Variants in GRIN2B observed in about 807,000 individuals in gnomAD.
GRIN2B encodes the protein glutamate ionotropic receptor NMDA type subunit 2B.
Under a neutral mutation model 114.5 loss-of-function variants are expected in GRIN2B, and 5 were observed. The ratio of observed to expected loss-of-function variants is 0.04; its 90% CI spans 0.02 to 0.09. GRIN2B has a LOEUF of 0.09. GRIN2B is among the 10% of genes least tolerant of loss of function. The probability of loss-of-function intolerance (pLI) is 1.00; values close to 1 mark genes in which losing one functional copy is unlikely to be tolerated. For missense variants in GRIN2B, 1,108 were observed against 1,943.5 expected (o/e 0.57, Z 8.08); for synonymous variants, 787 against 745.1 (o/e 1.06, Z -0.92).
At position 13,866,031 on chromosome 12, in the gene GRIN2B, G is replaced by A; in HGVS notation, c.178C>T (p.His60Tyr). ...ACCCGGGGTACCACGGAGAGATGGT[G>A]GAAATCATCTTTCTCGTGGGCATCC... The part of the protein sequence containing the change: ...IKDAHEKDDF[H>Y]HLSVVPRVEL... Residue 60 changes from histidine (H) to tyrosine (Y), a missense_variant, in exon 3 of 14, where the codon CAC becomes TAC. By Grantham distance (83) the His-to-Tyr change is moderately conservative. Coordinates refer to ENST00000609686, the MANE Select transcript of GRIN2B (RefSeq NM_000834.5). 4 of 1,613,966 alleles carry A rather than the reference G, an allele frequency of 2.5e-6. No individual in the cohort carries two copies. The highest frequency in any genetic ancestry group is 2.5e-6 in the Non-Finnish European group (3 of 1,179,870).
Position 13,621,610 on chromosome 12 carries a change from TTTG to T in GRIN2B, c.1126-4956_1126-4954del, listed in dbSNP as rs1188105453. On this transcript the variant is annotated intron_variant, in intron 5 of 13. Transcript: ENST00000609686. ...AAGAGAAAAAAAAAATTGCCTAGTTTTTGTTTTTTTTTTTTTTTTTTTTTTTTT... is the reference window on the plus strand; with the variant it reads ...AAGAGAAAAAAAAAATTGCCTAGTTTTTTTTTTTTTTTTTTTTTTTTTTTT... Among the ~76,000 whole-genome samples the T allele has an allele frequency of 3.1e-4, 41 of 131,384 alleles. 2 individuals carry two copies. Among genetic ancestry groups the T allele is most frequent in the Non-Finnish European group, 4.4e-4 (28 of 63,688 alleles). 86.2% of individuals were successfully genotyped at this position (131,384 alleles called of 152,430 possible). A position where few individuals can be genotyped will look rare whatever the true frequency, so the allele number is the denominator to read the frequency against.
At chr12:13,786,354 A>G (rs1188569830) in intron 3 of GRIN2B, among the ~76,000 whole-genome samples, 1 of 152,188 alleles carries the variant, frequency 6.6e-6, no homozygotes, top group Non-Finnish European at 1.5e-5. Flanking sequence ...AATGTCCTAT[A>G]TACCCAATTG....
chr12:13,949,437 G>T (rs1260873677), intron 2 of GRIN2B, among the ~76,000 whole-genome samples: 1 of 152,000 alleles, frequency 6.6e-6, no homozygotes, highest in African/African-American at 2.4e-5. Context: ...AGGTTTCCAG[G>T]ACCCTTAATC....
In GRIN2B at chr12:13,906,674, T is replaced by G. The variant is rs535854474; in HGVS notation, c.-18-40448A>C. Among the ~76,000 whole-genome samples, 9 of 152,332 alleles carry G rather than the reference T, an allele frequency of 5.9e-5. No individual in the cohort carries two copies. The South Asian group carries it at 1.0e-3, about 18-fold the overall frequency. ...TTGTTATACACAGCACTTCATGTCT[T>G]ACATTAATGAACATGATGACAATGA... On this transcript the variant is annotated intron_variant, in intron 2 of 13. Transcript: ENST00000609686.
At chr12:13,749,251 T>G (rs1204477109) in intron 4 of GRIN2B, among the ~76,000 whole-genome samples, 1 of 152,232 alleles carries the variant, frequency 6.6e-6, no homozygotes, top group Non-Finnish European at 1.5e-5. Context: ...AGGTATATCA[T>G]ATAACCTCTT....
intron 2 of GRIN2B, among the ~76,000 whole-genome samples, chr12:13,871,168 G>T (rs16909526): frequency 0.013 from 1,927 of 152,048 alleles, 42 homozygotes; most frequent in African/African-American, 0.045. Flanking sequence ...TAAAGCATGA[G>T]TTATAAGTTC....
intron 3 of GRIN2B, among the ~76,000 whole-genome samples, chr12:13,797,195 G>A (rs1271862401): frequency 1.3e-5 from 2 of 152,068 alleles, no homozygotes; most frequent in African/African-American, 4.8e-5. Flanking sequence ...CCCATTTCCT[G>A]GTTTACAGAT....
At chr12:13,976,096 G>A (rs917397146) in intron 2 of GRIN2B, among the ~76,000 whole-genome samples, 2 of 152,246 alleles carry the variant, frequency 1.3e-5, no homozygotes, top group Non-Finnish European at 2.9e-5. Context: ...AGCCGCAGGT[G>A]AACCTCAAAA....
intron 10 of GRIN2B, among the ~76,000 whole-genome samples, chr12:13,591,990 A>C (rs1366324040): frequency 1.3e-5 from 2 of 152,208 alleles, no homozygotes; most frequent in African/African-American, 4.8e-5. Context: ...TGGAACATTT[A>C]CTCATTTAAT....
chr12:13,733,067 G>T (rs564517491), intron 4 of GRIN2B, among the ~76,000 whole-genome samples: 2 of 152,238 alleles, frequency 1.3e-5, no homozygotes, highest in Admixed American at 1.3e-4. Flanking sequence ...ACAGATTTGG[G>T]ATACATGATT....
chr12:13,629,323 C>T (rs1197211076), intron 5 of GRIN2B, among the ~76,000 whole-genome samples: 1 of 152,184 alleles, frequency 6.6e-6, no homozygotes, highest in African/African-American at 2.4e-5. Context: ...CATTGCATCT[C>T]TCACGGAAAT....
chr12:13,605,545 T>TGACACA (rs1422595636), intron 10 of GRIN2B, among the ~76,000 whole-genome samples: 7 of 63,612 alleles, frequency 1.1e-4, no homozygotes, highest in East Asian at 3.7e-4. Context: ...TCTCTCTCTC[T>TGACACA]CTCTCTGACA....
chr12:13,689,592 G>T (rs1039662452), intron 4 of GRIN2B, among the ~76,000 whole-genome samples: 1 of 152,054 alleles, frequency 6.6e-6, no homozygotes, highest in African/African-American at 2.4e-5. Flanking sequence ...TGGGCCCTTT[G>T]CCTTATATCA....
In GRIN2B at chr12:13,560,509, T is replaced by A. The variant is rs899169788; in HGVS notation, c.*2274A>T. 1 of 152,248 alleles carries A rather than the reference T, an allele frequency of 6.6e-6. No homozygotes were observed. The highest frequency in any genetic ancestry group is 2.4e-5 in the African/African-American group (1 of 41,450). 9.4% of individuals were successfully genotyped at this position (152,248 alleles called of 1,614,324 possible). ...CGCTAGGTTAGTTGGTTTGGTTTTT[T>A]TGTTTGAAAGGGGTGAGGTAAGAGG... On this transcript the variant is annotated 3_prime_UTR_variant, in exon 14 of 14. Transcript: ENST00000609686.
At position 13,537,981 on chromosome 12, in the gene GRIN2B, C is replaced by T. The variant is rs1353524777; in HGVS notation, c.*24802G>A. 6.6e-6 allele frequency: 1 copy of T among 152,184 alleles called. No individual in the cohort carries two copies. Among genetic ancestry groups the T allele is most frequent in the East Asian group, 1.9e-4 (1 of 5,202 alleles). The allele number at this position is 152,184 out of a possible 1,614,324, so 9.4% of individuals were successfully genotyped here. ...AGAACCACTTTTCTGGTGGTCTCTTCCCATCTTCTTGGTCATTCCAGAATT... is the reference window on the plus strand; with the variant it reads ...AGAACCACTTTTCTGGTGGTCTCTTTCCATCTTCTTGGTCATTCCAGAATT... On this transcript the variant is annotated 3_prime_UTR_variant, in exon 14 of 14. Coordinates refer to ENST00000609686, the MANE Select transcript of GRIN2B (RefSeq NM_000834.5).
intron 3 of GRIN2B, among the ~76,000 whole-genome samples, chr12:13,762,688 T>C (rs1863700945): frequency 6.6e-6 from 1 of 152,196 alleles, no homozygotes; most frequent in Non-Finnish European, 1.5e-5. Context: ...ATCTTGCTTG[T>C]ACACATGGGC....
chr12:13,813,074 G>A lies in GRIN2B; in HGVS notation c.411+52724C>T, dbSNP rs372802960. Among the ~76,000 whole-genome samples the A allele has an allele frequency of 8.6e-5, 13 of 151,686 alleles. No homozygotes were observed. The East Asian group carries it at 2.5e-3, about 30-fold the overall frequency. ...TCTGCCTCAGCCTCCCAACTAGCTG[G>A]GACTACAGACGTCCGCCACCACTCC... On this transcript the variant is annotated intron_variant, in intron 3 of 13. Coordinates refer to ENST00000609686, the MANE Select transcript of GRIN2B (RefSeq NM_000834.5).
chr12:13,853,241 A>T (rs1865602277), intron 3 of GRIN2B, among the ~76,000 whole-genome samples: 1 of 152,256 alleles, frequency 6.6e-6, no homozygotes, highest in Admixed American at 6.5e-5. Context: ...TCAATGCTCC[A>T]TGAGGACATG....
intron 4 of GRIN2B, among the ~76,000 whole-genome samples, chr12:13,741,427 G>A (rs1863285013): frequency 1.3e-5 from 2 of 152,162 alleles, no homozygotes; most frequent in Admixed American, 1.3e-4. Context: ...CTTTAGCAAA[G>A]GACATAGAAA....
Sources: gnomAD v4.1 joint callset for allele counts (sites outside exome capture counted in the v4.1 genomes callset) on GRCh38, gnomAD v4.1.1 for gene constraint, MANE v1.5 for transcripts, NCBI Gene and HGNC (gene_info 2026-07-23, HGNC 2026-07-21) for gene names.